The following STXBP5L variants were observed in gnomAD, a reference collection of about 807,000 sequenced individuals.
STXBP5L encodes the protein syntaxin-binding protein 5-like.
A neutral mutation model predicts 144.5 loss-of-function variants in STXBP5L; 65 were observed. The ratio of observed to expected loss-of-function variants is 0.45; its 90% CI spans 0.37 to 0.55. The LOEUF (loss-of-function observed/expected upper bound fraction) is 0.55, where lower values mean the gene tolerates loss of function less well. STXBP5L is among the 20% of genes least tolerant of loss of function. The probability of loss-of-function intolerance (pLI) is 0.00; values close to 1 mark genes in which losing one functional copy is unlikely to be tolerated. For missense variants in STXBP5L, 1,298 were observed against 1,405.5 expected (o/e 0.92, Z 1.22); for synonymous variants, 505 against 469.6 (o/e 1.08, Z -0.97).
At chr3:121,373,665 A>C (rs917547716) in intron 20 of STXBP5L, among the ~76,000 whole-genome samples, 2 of 152,142 alleles carry the variant, frequency 1.3e-5, no homozygotes, top group Admixed American at 1.3e-4. Context: ...GTATACTCAC[A>C]TGCCCCACCC....
chr3:121,255,371 T>C (rs1463503354), intron 16 of STXBP5L, among the ~76,000 whole-genome samples: 4 of 152,098 alleles, frequency 2.6e-5, no homozygotes, highest in Admixed American at 2.0e-4. Flanking sequence ...AAGTTAATCT[T>C]GTTACAAATT....
At chr3:121,106,278 G>A (rs529968241) in intron 5 of STXBP5L, among the ~76,000 whole-genome samples, 35 of 152,268 alleles carry the variant, frequency 2.3e-4, no homozygotes, top group Admixed American at 1.2e-3. Context: ...TGGGATACAT[G>A]TGAAGGACAT....
intron 2 of STXBP5L, among the ~76,000 whole-genome samples, chr3:120,944,028 A>T (rs945810360): frequency 5.3e-5 from 8 of 151,708 alleles, no homozygotes; most frequent in East Asian, 1.9e-4. Flanking sequence ...AAGAAAATTT[A>T]AAAAAATTAG....
chr3:121,140,847 T>C (rs1459037200), intron 7 of STXBP5L, among the ~76,000 whole-genome samples: 3 of 152,166 alleles, frequency 2.0e-5, no homozygotes, highest in African/African-American at 7.2e-5. Context: ...TGATTATAGG[T>C]AATGATATAT....
At chr3:121,203,227 C>G (rs2048206589) in intron 9 of STXBP5L, among the ~76,000 whole-genome samples, 1 of 152,026 alleles carries the variant, frequency 6.6e-6, no homozygotes, top group South Asian at 2.1e-4. Context: ...TCATAACTCT[C>G]CATTGTCTAT....
chr3:121,222,318 A>G (rs2048998428), intron 10 of STXBP5L, among the ~76,000 whole-genome samples: 1 of 152,134 alleles, frequency 6.6e-6, no homozygotes. Context: ...ATCTAATTAT[A>G]TCTTATAAAG....
At chr3:121,373,158 C>A (rs186666225) in intron 20 of STXBP5L, among the ~76,000 whole-genome samples, 3 of 152,270 alleles carry the variant, frequency 2.0e-5, no homozygotes, top group Admixed American at 2.0e-4. Flanking sequence ...AACAGGGACC[C>A]TTTGAGGCAT....
chr3:121,204,851 T>A (rs550854220), intron 9 of STXBP5L, among the ~76,000 whole-genome samples: 4 of 152,324 alleles, frequency 2.6e-5, no homozygotes, highest in African/African-American at 9.6e-5. Context: ...TAGCTTCATT[T>A]CTATTTCCTT....
intron 2 of STXBP5L, among the ~76,000 whole-genome samples, chr3:120,949,768 A>G (rs984101746): frequency 2.6e-5 from 4 of 152,040 alleles, no homozygotes; most frequent in South Asian, 2.1e-4. Context: ...ATTCTGTTCC[A>G]TTTGTCTACA....
chr3:121,372,620 C>T (rs539513804), intron 20 of STXBP5L, among the ~76,000 whole-genome samples: 2 of 152,160 alleles, frequency 1.3e-5, no homozygotes, highest in South Asian at 4.2e-4. Flanking sequence ...TGTGGTAGCC[C>T]AATGCAGGTT....
intron 9 of STXBP5L, among the ~76,000 whole-genome samples, chr3:121,168,685 A>T (rs2046588873): frequency 6.6e-6 from 1 of 152,182 alleles, no homozygotes; most frequent in Admixed American, 6.5e-5. Flanking sequence ...GAAATATGGG[A>T]CTATGTGAAA....
intron 3 of STXBP5L, among the ~76,000 whole-genome samples, chr3:121,038,907 C>T (rs556506195): frequency 6.6e-6 from 1 of 151,632 alleles, no homozygotes; most frequent in Non-Finnish European, 1.5e-5. Flanking sequence ...TATATCTTTC[C>T]ACCTATATCT....
intron 2 of STXBP5L, among the ~76,000 whole-genome samples, chr3:120,949,260 T>G (rs1369465937): frequency 1.3e-5 from 2 of 151,856 alleles, no homozygotes; most frequent in Non-Finnish European, 2.9e-5. Context: ...ATTATTATAT[T>G]TATATTTTTA....
At chr3:120,963,338 A>C (rs1043489003) in intron 3 of STXBP5L, among the ~76,000 whole-genome samples, 1 of 152,194 alleles carries the variant, frequency 6.6e-6, no homozygotes, top group Non-Finnish European at 1.5e-5. Context: ...GAGAAAGGGC[A>C]TCTCTGTCTT....
chr3:121,345,472 T>G (rs1259134788), intron 20 of STXBP5L, among the ~76,000 whole-genome samples: 1 of 152,130 alleles, frequency 6.6e-6, no homozygotes, highest in Middle Eastern at 3.2e-3. Context: ...TAAACATACG[T>G]GTGCATATGT....
chr3:121,014,074 T>C (rs1055402106), intron 3 of STXBP5L, among the ~76,000 whole-genome samples: 9 of 152,140 alleles, frequency 5.9e-5, no homozygotes, highest in African/African-American at 1.9e-4. Context: ...GGTAATATGA[T>C]GCCTCCAGCT....
intron 16 of STXBP5L, among the ~76,000 whole-genome samples, chr3:121,255,604 A>G (rs1432189582): frequency 6.6e-6 from 1 of 151,936 alleles, no homozygotes; most frequent in Middle Eastern, 3.2e-3. Flanking sequence ...GCTTTGTTCT[A>G]TACTTTTATT....
chr3:121,188,175 A>G (rs1163100840), intron 9 of STXBP5L, among the ~76,000 whole-genome samples: 1 of 152,204 alleles, frequency 6.6e-6, no homozygotes, highest in Non-Finnish European at 1.5e-5. Flanking sequence ...TCAGCTCTGC[A>G]CCAAGTGGAC....
intron 3 of STXBP5L, among the ~76,000 whole-genome samples, chr3:120,978,394 A>C (rs1472186590): frequency 6.6e-6 from 1 of 152,152 alleles, no homozygotes; most frequent in Non-Finnish European, 1.5e-5. Flanking sequence ...TTTCAGCTCC[A>C]TCAGCTCCTT....
Sources: gnomAD v4.1 joint callset for allele counts (sites outside exome capture counted in the v4.1 genomes callset) on GRCh38, gnomAD v4.1.1 for gene constraint, MANE v1.5 for transcripts, NCBI Gene and HGNC (gene_info 2026-07-23, HGNC 2026-07-21) for gene names.